Variants in B3GNT3 observed in about 807,000 individuals in gnomAD.
The protein encoded by B3GNT3 is N-acetyllactosaminide beta-1,3-N-acetylglucosaminyltransferase 3.
A neutral mutation model predicts 11.6 loss-of-function variants in B3GNT3; 7 were observed. That is an observed-to-expected ratio of 0.60 (90% CI 0.34 to 1.13). B3GNT3 has a LOEUF of 1.13. B3GNT3 is among the 50% of genes most tolerant of loss of function. The pLI is 0.03. For synonymous variants in B3GNT3, 201 were observed against 222.1 expected, an observed-to-expected ratio of 0.90 and a Z score of 0.85; for missense variants, 400 against 507.4, an observed-to-expected ratio of 0.79 and a Z score of 2.03.
chr19:17,810,559 T>C (rs1206714089), intron 2 of B3GNT3, among the ~76,000 whole-genome samples: 5 of 151,330 alleles, frequency 3.3e-5, no homozygotes, highest in Non-Finnish European at 7.4e-5. Flanking sequence ...AGGAGGGAAG[T>C]CCAGTGTTTG....
At chr19:17,802,158 G>GC (rs1182297773) in intron 1 of B3GNT3, among the ~76,000 whole-genome samples, 1 of 151,794 alleles carries the variant, frequency 6.6e-6, no homozygotes, top group Non-Finnish European at 1.5e-5. Context: ...GAGCACCTAA[G>GC]CTCAAGTGAT....
Position 17,808,293 on chromosome 19 carries a change from G to T in B3GNT3, c.486G>T (p.Leu162=). Residue 162 remains leucine (L), a synonymous_variant, in exon 2 of 3, where the codon CTG becomes CTT. Transcript: ENST00000318683. The part of the protein sequence containing the change: ...NPHEARKVNR[L]LELEAQTHGD... ...ACGAGGCCCGCAAGGTCAACCGGCTGCTGGAGCTGGAGGCACAGACTCACG... is the reference window on the plus strand; with the variant it reads ...ACGAGGCCCGCAAGGTCAACCGGCTTCTGGAGCTGGAGGCACAGACTCACG... 2 of 1,613,458 alleles carry T rather than the reference G, an allele frequency of 1.2e-6. No individual in the cohort carries two copies. The highest frequency in any genetic ancestry group is 1.7e-6 in the Non-Finnish European group (2 of 1,179,958).
At chr19:17,808,496 C>G (rs1253857029) in intron 2 of B3GNT3, 122 bp downstream of exon 2, 2 of 1,041,148 alleles carry the variant, frequency 1.9e-6, no homozygotes, top group Non-Finnish European at 2.7e-6. Context: ...CATTCTGCCC[C>G]TCTGCTGTCC....
chr19:17,808,053 C>A lies in B3GNT3; in HGVS notation c.246C>A (p.Asn82Lys), dbSNP rs1435468265. ...CCACGCAGCCGCAGCACGTTCAGAA[C>A]TTCCTCCTGTACAGACACTGCCGCC... is the stretch of plus-strand genomic sequence containing the variant. ...DFATQPQHVQ[N>K]FLLYRHCRHF... Residue 82 changes from asparagine to lysine, a missense_variant, in exon 2 of 3, where the codon AAC becomes AAA. By Grantham distance (94) the Asn-to-Lys change is moderately conservative (BLOSUM62 0). Coordinates refer to ENST00000318683, the MANE Select transcript of B3GNT3 (RefSeq NM_014256.4). 1 of 1,569,228 alleles carries A rather than the reference C, an allele frequency of 6.4e-7. No homozygotes were observed. The highest frequency in any genetic ancestry group is 2.4e-5 in the East Asian group (1 of 41,802).
intron 1 of B3GNT3, among the ~76,000 whole-genome samples, chr19:17,807,111 AGT>A (rs56140662): frequency 8.0e-4 from 93 of 116,226 alleles, no homozygotes; most frequent in African/African-American, 1.2e-3. Flanking sequence ...CAGTGGCCCC[AGT>A]GTGTGTGTGT....
chr19:17,801,296 G>C (rs777519256), intron 1 of B3GNT3, among the ~76,000 whole-genome samples: 1 of 151,482 alleles, frequency 6.6e-6, no homozygotes, highest in African/African-American at 2.4e-5. Context: ...GGGCTCAAGC[G>C]ATCCTCCCAC....
chr19:17,799,379 C>T (rs993476323), intron 1 of B3GNT3, among the ~76,000 whole-genome samples: 1 of 151,494 alleles, frequency 6.6e-6, no homozygotes, highest in African/African-American at 2.4e-5. Flanking sequence ...AGCGATTCTC[C>T]TGCCTCAGGC....
Position 17,795,179 on chromosome 19 carries a change from G to A in B3GNT3, c.-78G>A, listed in dbSNP as rs79401390. 0.044 allele frequency: 6,645 copies of A among 152,432 alleles called. 192 individuals are homozygous for A. Among genetic ancestry groups the A allele is most frequent in the Non-Finnish European group, 0.065 (4,422 of 68,130 alleles). The allele number at this position is 152,432 out of a possible 1,614,324, so 9.4% of individuals were successfully genotyped here. On this transcript the variant is annotated 5_prime_UTR_variant, in exon 1 of 3. Coordinates refer to ENST00000318683, the MANE Select transcript of B3GNT3 (RefSeq NM_014256.4). ...TCGCGAGCTGAGAGGAGCAGGTAGA[G>A]GGGCAGAGGCGGGACTGTCGTCTGG...
At position 17,812,182 on chromosome 19, in the gene B3GNT3, C is replaced by T. The variant is rs141368329; in HGVS notation, c.*60C>T. On this transcript the variant is annotated 3_prime_UTR_variant, in exon 3 of 3. Coordinates refer to ENST00000318683, the MANE Select transcript of B3GNT3 (RefSeq NM_014256.4). ...TTTCCATAGGAAGGGGCGACACCTT[C>T]CTCCCAGGAAGCTGAGACCTTTGTG... 4,147 of 1,497,166 alleles carry T rather than the reference C, an allele frequency of 2.8e-3. 13 individuals carry two copies. The highest frequency in any genetic ancestry group is 3.4e-3 in the South Asian group (255 of 75,462). The allele number at this position is 1,497,166 out of a possible 1,614,324, so 92.7% of individuals were successfully genotyped here.
chr19:17,800,303 A>T (rs545721926), intron 1 of B3GNT3, among the ~76,000 whole-genome samples: 62 of 152,180 alleles, frequency 4.1e-4, no homozygotes, highest in African/African-American at 1.5e-3. Flanking sequence ...TGAAACCAGG[A>T]GGCGGAAGTT....
intron 1 of B3GNT3, among the ~76,000 whole-genome samples, chr19:17,797,298 A>G (rs1180667074): frequency 1.3e-5 from 2 of 152,180 alleles, no homozygotes; most frequent in Non-Finnish European, 2.9e-5. Flanking sequence ...AATATTTCTG[A>G]GCTCTAAGTA....
At position 17,811,687 on chromosome 19, in the gene B3GNT3, C is replaced by T; in HGVS notation, c.684C>T (p.Asp228=). 1 of 1,614,242 alleles carries T rather than the reference C, an allele frequency of 6.2e-7. No individual in the cohort carries two copies. The highest frequency in any genetic ancestry group is 8.5e-7 in the Non-Finnish European group (1 of 1,180,054). The change falls in exon 3 of 3, where the codon GAC becomes GAT. Residue 228 remains aspartate, a synonymous_variant. Coordinates refer to ENST00000318683, the MANE Select transcript of B3GNT3 (RefSeq NM_014256.4). This position sits in a 1 kb window ranked among gnomAD's most constrained non-coding sequence, Gnocchi z 4.1. Reference sequence around the variant, plus strand: ...TGGTCTTCTACCTGCAGGACCATGACCCTGGCCGCCACCTCTTCGTGGGGC... The same window carrying T: ...TGGTCTTCTACCTGCAGGACCATGATCCTGGCCGCCACCTCTTCGTGGGGC... ...DNMVFYLQDH[D]PGRHLFVGQL...
chr19:17,801,949 G>A (rs1243680769), intron 1 of B3GNT3, among the ~76,000 whole-genome samples: 10 of 152,110 alleles, frequency 6.6e-5, no homozygotes, highest in African/African-American at 2.4e-4. Context: ...GTAGCCAGGC[G>A]TGGTGGCACA....
intron 1 of B3GNT3, among the ~76,000 whole-genome samples, chr19:17,797,350 G>A (rs2147644210): frequency 6.6e-6 from 1 of 152,210 alleles, no homozygotes; most frequent in Non-Finnish European, 1.5e-5. Context: ...AAGGTGTGGG[G>A]GTCCAGGAAG....
chr19:17,798,413 G>A (rs2094161954), intron 1 of B3GNT3, among the ~76,000 whole-genome samples: 1 of 152,180 alleles, frequency 6.6e-6, no homozygotes. Flanking sequence ...GCTAACACCT[G>A]TATTTCCAGC....
At chr19:17,801,842 C>G (rs2094166609) in intron 1 of B3GNT3, among the ~76,000 whole-genome samples, 1 of 152,104 alleles carries the variant, frequency 6.6e-6, no homozygotes, top group Non-Finnish European at 1.5e-5. Flanking sequence ...AATCCCAACA[C>G]TTTGGGAGGC....
At position 17,807,970 on chromosome 19, in the gene B3GNT3, C is replaced by CCCCCCCCCCCCG; in HGVS notation, c.163_164insCCCCCCCCCCCG (p.Arg55delinsProProProProGly). The CCCCCCCCCCCCG allele has an allele frequency of 6.2e-7, 1 of 1,611,124 alleles. No homozygotes were observed. Among genetic ancestry groups the CCCCCCCCCCCCG allele is most frequent in the Non-Finnish European group, 8.5e-7 (1 of 1,178,886 alleles). On this transcript the variant is annotated protein_altering_variant, in exon 2 of 3. Coordinates refer to ENST00000318683, the MANE Select transcript of B3GNT3 (RefSeq NM_014256.4). ...CCTGGCCTGGCCCACTCCACCCACC[C>CCCCCCCCCCCCG]GCCCAGCCCCGGCCCCGTGCCATGC...
chr19:17,810,966 TGGGAG>T (rs2094179901), intron 2 of B3GNT3, among the ~76,000 whole-genome samples: 1 of 151,844 alleles, frequency 6.6e-6, no homozygotes, highest in Non-Finnish European at 1.5e-5. Flanking sequence ...GTCAGCATTT[TGGGAG>T]GCTGAGGTGG....
intron 1 of B3GNT3, among the ~76,000 whole-genome samples, chr19:17,802,478 G>A (rs1051534862): frequency 3.3e-5 from 5 of 152,204 alleles, no homozygotes; most frequent in South Asian, 2.1e-4. Context: ...GGAGAGAAGC[G>A]AAGAGATTTC....
Sources: gnomAD v4.1 joint callset for allele counts (sites outside exome capture counted in the v4.1 genomes callset) on GRCh38, gnomAD v4.1.1 for gene constraint, Gnocchi (gnomAD v3.1) non-coding constraint, MANE v1.5 for transcripts, NCBI Gene and HGNC (gene_info 2026-07-23, HGNC 2026-07-21) for gene names.